EHBP1: variants seen among roughly 807,000 people sequenced by gnomAD.
EHBP1 encodes EH domain-binding protein 1.
EHBP1 carries 55 observed loss-of-function variants against 144.0 expected under a neutral mutation model. The ratio of observed to expected loss-of-function variants is 0.38; its 90% CI spans 0.31 to 0.48. EHBP1 has a LOEUF of 0.48. Among genes scored for constraint, EHBP1 ranks in the 20% least tolerant of loss-of-function variants. The probability of loss-of-function intolerance (pLI) is 0.98; values close to 1 mark genes in which losing one functional copy is unlikely to be tolerated. For missense variants in EHBP1, 1,200 were observed against 1,364.2 expected, an observed-to-expected ratio of 0.88 and a Z score of 1.90; for synonymous variants, 469 against 472.7, an observed-to-expected ratio of 0.99 and a Z score of 0.10.
chr2:62,879,605 A>AGAGAGAGG (rs1329721385), intron 10 of EHBP1, among the ~76,000 whole-genome samples: 1 of 151,640 alleles, frequency 6.6e-6, no homozygotes, highest in African/African-American at 2.4e-5. Context: ...ACAGAGAGAG[A>AGAGAGAGG]GAGAGAGGGA....
At chr2:62,850,268 C>G (rs2048589621) in intron 7 of EHBP1, among the ~76,000 whole-genome samples, 1 of 152,102 alleles carries the variant, frequency 6.6e-6, no homozygotes, top group Non-Finnish European at 1.5e-5. Flanking sequence ...GAAGGTACTG[C>G]AAGATTTGCA....
intron 10 of EHBP1, among the ~76,000 whole-genome samples, chr2:62,889,907 G>A (rs1426861791): frequency 6.7e-6 from 1 of 148,640 alleles, no homozygotes; most frequent in Non-Finnish European, 1.5e-5. Context: ...TGTTCTTTTT[G>A]CTTAGGATTG....
At chr2:62,937,905 G>A (rs940043919) in intron 10 of EHBP1, among the ~76,000 whole-genome samples, 5 of 152,130 alleles carry the variant, frequency 3.3e-5, no homozygotes, top group Non-Finnish European at 4.4e-5. Context: ...TAAGGAGAAC[G>A]ATGCTATGAC....
chr2:62,867,658 C>CG (rs1444769564), intron 9 of EHBP1, among the ~76,000 whole-genome samples: 2 of 152,132 alleles, frequency 1.3e-5, no homozygotes, highest in Non-Finnish European at 2.9e-5. Context: ...AATTCAGTGC[C>CG]ATCCCAATCA....
intron 5 of EHBP1, among the ~76,000 whole-genome samples, chr2:62,797,687 T>C (rs2152477062): frequency 6.6e-6 from 1 of 152,348 alleles, no homozygotes; most frequent in Admixed American, 6.5e-5. Context: ...CCTGCATCTA[T>C]CTTTTTTAAA....
chr2:62,806,695 C>A (rs2044520209), intron 5 of EHBP1, among the ~76,000 whole-genome samples: 1 of 151,804 alleles, frequency 6.6e-6, no homozygotes, highest in African/African-American at 2.4e-5. Context: ...CACTTTCTTT[C>A]TTTTCTTAGC....
At chr2:62,728,441 T>C (rs111780777) in intron 2 of EHBP1, among the ~76,000 whole-genome samples, 120 of 152,362 alleles carry the variant, frequency 7.9e-4, no homozygotes, top group African/African-American at 2.6e-3. Context: ...TTTAAGTACA[T>C]GTAAAGTGTT....
intron 1 of EHBP1, among the ~76,000 whole-genome samples, chr2:62,697,353 C>A (rs1403712334): frequency 6.6e-6 from 1 of 152,210 alleles, no homozygotes; most frequent in Non-Finnish European, 1.5e-5. Context: ...TGTGTTCTGA[C>A]AAGTCTCTAT....
In EHBP1 at chr2:62,800,752, A is replaced by ATTT. The variant is rs148568708; in HGVS notation, c.313-25334_313-25333insTTT. Reference sequence around the variant, plus strand: ...CCACATATAGGTGTTTTTCAAACAGATGTTAGTATGAAGACACAAAACAAT... The same window carrying ATTT: ...CCACATATAGGTGTTTTTCAAACAGATTTTGTTAGTATGAAGACACAAAACAAT... On this transcript the variant is annotated intron_variant, in intron 5 of 22. Coordinates refer to ENST00000431489, the MANE Select transcript of EHBP1 (RefSeq NM_001142616.3). 2.1e-3 allele frequency among the ~76,000 whole-genome samples: 316 copies of ATTT among 152,356 alleles called. 2 individuals are homozygous for ATTT. Among genetic ancestry groups the ATTT allele is most frequent in the African/African-American group, 6.6e-3 (276 of 41,582 alleles).
chr2:62,896,052 A>G (rs1018142903), intron 10 of EHBP1, among the ~76,000 whole-genome samples: 1 of 152,172 alleles, frequency 6.6e-6, no homozygotes, highest in African/African-American at 2.4e-5. Context: ...ACTGGATATA[A>G]TAGACACAGT....
chr2:62,994,804 A>G (rs2059566411), intron 18 of EHBP1, among the ~76,000 whole-genome samples: 1 of 152,134 alleles, frequency 6.6e-6, no homozygotes, highest in Admixed American at 6.6e-5. Flanking sequence ...TTACTTTAGA[A>G]GACCTGGAAA....
chr2:62,823,284 C>T (rs1410165405), intron 5 of EHBP1, among the ~76,000 whole-genome samples: 1 of 151,948 alleles, frequency 6.6e-6, no homozygotes, highest in Non-Finnish European at 1.5e-5. Context: ...AAACATAGGC[C>T]CAGAGACAGT....
intron 5 of EHBP1, among the ~76,000 whole-genome samples, chr2:62,809,314 A>G (rs1308418626): frequency 1.3e-5 from 2 of 151,026 alleles, no homozygotes; most frequent in African/African-American, 2.4e-5. Context: ...AAAAAAAAAA[A>G]ACAAGAAGAG....
chr2:62,844,619 G>A (rs1179674431), intron 7 of EHBP1, among the ~76,000 whole-genome samples: 4 of 152,072 alleles, frequency 2.6e-5, no homozygotes, highest in African/African-American at 9.7e-5. Context: ...AATTCATGTT[G>A]AATTTCTGAA....
intron 10 of EHBP1, among the ~76,000 whole-genome samples, chr2:62,909,599 T>G (rs1365765810): frequency 6.6e-6 from 1 of 152,194 alleles, no homozygotes; most frequent in African/African-American, 2.4e-5. Flanking sequence ...AAGGAAAATA[T>G]GTTTGGAATC....
chr2:62,909,898 C>T (rs916335635), intron 10 of EHBP1, among the ~76,000 whole-genome samples: 16 of 152,142 alleles, frequency 1.1e-4, no homozygotes, highest in African/African-American at 3.9e-4. Flanking sequence ...GCTGGGACTA[C>T]AGGCGCATGT....
intron 19 of EHBP1, among the ~76,000 whole-genome samples, chr2:63,031,993 TA>T (rs2061268812): frequency 6.6e-6 from 1 of 152,160 alleles, no homozygotes; most frequent in Non-Finnish European, 1.5e-5. Flanking sequence ...TTATCAGTTA[TA>T]TTTTTTTCCG....
chr2:62,851,364 TG>T (rs1290576863), intron 7 of EHBP1, among the ~76,000 whole-genome samples: 1 of 152,212 alleles, frequency 6.6e-6, no homozygotes, highest in Non-Finnish European at 1.5e-5. Flanking sequence ...ATGTTCTCTT[TG>T]CCTCCCTTTG....
At chr2:62,721,113 G>A (rs1399359682) in intron 2 of EHBP1, among the ~76,000 whole-genome samples, 1 of 152,144 alleles carries the variant, frequency 6.6e-6, no homozygotes, top group Admixed American at 6.5e-5. Context: ...GCATTTAGTT[G>A]TCATATCTCC....
Sources: gnomAD v4.1 joint callset for allele counts (sites outside exome capture counted in the v4.1 genomes callset) on GRCh38, gnomAD v4.1.1 for gene constraint, MANE v1.5 for transcripts, NCBI Gene and HGNC (gene_info 2026-07-23, HGNC 2026-07-21) for gene names.